G2E3: variants seen among roughly 807,000 people sequenced by gnomAD.
G2E3 encodes the protein G2/M phase-specific E3 ubiquitin-protein ligase.
G2E3 carries 35 observed loss-of-function variants against 92.8 expected under a neutral mutation model. That is an observed-to-expected ratio of 0.38 (90% CI 0.29 to 0.50). The LOEUF (loss-of-function observed/expected upper bound fraction) is 0.50. Among genes scored for constraint, G2E3 ranks in the 20% least tolerant of loss-of-function variants. The pLI is 0.94. For synonymous variants in G2E3, 242 were observed against 272.4 expected, an observed-to-expected ratio of 0.89 and a Z score of 1.10; for missense variants, 554 against 823.8, an observed-to-expected ratio of 0.67 and a Z score of 4.01.
At chr14:30,607,360 A>G (rs997265562) in intron 11 of G2E3, among the ~76,000 whole-genome samples, 2 of 152,302 alleles carry the variant, frequency 1.3e-5, no homozygotes, top group South Asian at 4.1e-4. Flanking sequence ...TAGTTGGTGT[A>G]GCCTACTACA....
Position 30,618,142 on chromosome 14 carries a change from T to C in G2E3, c.*1608T>C, listed in dbSNP as rs1308397535. The C allele has an allele frequency of 1.3e-5, 2 of 152,076 alleles. No individual in the cohort carries two copies. The highest frequency in any genetic ancestry group is 4.8e-5 in the African/African-American group (2 of 41,432). 9.4% of individuals were successfully genotyped at this position (152,076 alleles called of 1,614,324 possible). A position where few individuals can be genotyped will look rare whatever the true frequency, so the allele number is the denominator to read the frequency against. On this transcript the variant is annotated 3_prime_UTR_variant, in exon 15 of 15. Coordinates refer to ENST00000206595, the MANE Select transcript of G2E3 (RefSeq NM_017769.5). ...TAGTGTACTTTTCTTTGTTCCCTCA[T>C]GTCTTTTTCAATCTGTACACTAACA...
intron 8 of G2E3, among the ~76,000 whole-genome samples, chr14:30,599,029 C>G (rs761726664): frequency 1.7e-4 from 26 of 152,132 alleles, no homozygotes; most frequent in Non-Finnish European, 3.2e-4. Flanking sequence ...AGTTTAAGAT[C>G]AAGTTATTGA....
At chr14:30,565,515 C>A (rs1879373569) in intron 1 of G2E3, among the ~76,000 whole-genome samples, 2 of 151,800 alleles carry the variant, frequency 1.3e-5, no homozygotes, top group African/African-American at 4.8e-5. Flanking sequence ...AAACCATTGC[C>A]AAATACAAGG....
Position 30,602,067 on chromosome 14 carries a change from T to C in G2E3, c.946T>C (p.Leu316=), listed in dbSNP as rs555459444. ...SNNVGITDCL[L]EESSPKLPRQ... ...TAATGTGGGGATTACAGATTGTTTG[T>C]TGGAAGAGTCATCACCTAAATTACC... is the stretch of plus-strand genomic sequence containing the variant. The change falls in exon 10 of 15, where the codon TTG becomes CTG. Residue 316 remains leucine, a synonymous_variant. Coordinates refer to ENST00000206595, the MANE Select transcript of G2E3 (RefSeq NM_017769.5). 3 of 1,611,516 alleles carry C rather than the reference T, an allele frequency of 1.9e-6. No homozygotes were observed. The highest frequency in any genetic ancestry group is 2.2e-5 in the East Asian group (1 of 44,822).
intron 10 of G2E3, among the ~76,000 whole-genome samples, chr14:30,603,991 C>G (rs983900469): frequency 7.9e-5 from 12 of 152,188 alleles, no homozygotes; most frequent in Non-Finnish European, 1.5e-4. Flanking sequence ...TGTGTTAGCT[C>G]TACTGAAAAA....
intron 10 of G2E3, among the ~76,000 whole-genome samples, chr14:30,604,493 C>T (rs1373323804): frequency 6.6e-6 from 1 of 152,210 alleles, no homozygotes; most frequent in African/African-American, 2.4e-5. Context: ...ATTGTTAAAA[C>T]AGATTGCTGG....
chr14:30,583,405 C>G (rs112313119), intron 2 of G2E3, among the ~76,000 whole-genome samples: 111 of 152,186 alleles, frequency 7.3e-4, no homozygotes, highest in African/African-American at 2.4e-3. Context: ...AGTCATAAAG[C>G]ACTAGTGAAG....
Position 30,605,542 on chromosome 14 carries a change from T to C in G2E3, c.1048T>C (p.Leu350=), listed in dbSNP as rs755706911. ...ATTTAGAAGAAATGTATCAACACTA[T>C]TAATAGAGTTAGGATTCCAAATTAA... The part of the protein sequence containing the change: ...SKFRRNVSTL[L]IELGFQIKKK... Residue 350 remains leucine (L), a synonymous_variant, in exon 11 of 15, where the codon TTA becomes CTA. Transcript: ENST00000206595. 6.2e-6 allele frequency: 9 copies of C among 1,451,598 alleles called. No homozygotes were observed. The highest frequency in any genetic ancestry group is 8.5e-6 in the Non-Finnish European group (9 of 1,052,942). The allele number at this position is 1,451,598 out of a possible 1,614,324, so 89.9% of individuals were successfully genotyped here.
chr14:30,594,716 C>T (rs747380996), intron 6 of G2E3, among the ~76,000 whole-genome samples: 12 of 151,506 alleles, frequency 7.9e-5, no homozygotes, highest in Non-Finnish European at 2.9e-5. Flanking sequence ...TGTAAATTCT[C>T]TTATTTCAAT....
At chr14:30,572,531 G>A (rs1432546523) in intron 1 of G2E3, among the ~76,000 whole-genome samples, 1 of 152,028 alleles carries the variant, frequency 6.6e-6, no homozygotes, top group African/African-American at 2.4e-5. Context: ...GAAAATTCCC[G>A]TCTGTTTCTG....
intron 1 of G2E3, among the ~76,000 whole-genome samples, chr14:30,578,740 A>G (rs1176180577): frequency 3.3e-5 from 5 of 152,220 alleles, no homozygotes; most frequent in African/African-American, 1.2e-4. Context: ...GGATGGATTT[A>G]TGATATGTTG....
At chr14:30,616,209 T>A in intron 14 of G2E3, 69 bp from the exon 15 acceptor site, 2 of 1,011,416 alleles carry the variant, frequency 2.0e-6, no homozygotes, top group South Asian at 1.4e-5. Context: ...GAAGAATCTA[T>A]GATGATAGCA....
chr14:30,578,068 G>A (rs1880219408), intron 1 of G2E3, among the ~76,000 whole-genome samples: 1 of 151,978 alleles, frequency 6.6e-6, no homozygotes. Context: ...AAGAAATTAT[G>A]AAATTCAACT....
intron 11 of G2E3, 123 bp from the exon 12 acceptor site, chr14:30,607,762 AATG>A (rs2138902229): frequency 3.8e-6 from 2 of 529,984 alleles, no homozygotes; most frequent in Non-Finnish European, 6.6e-6. Flanking sequence ...TTTTCTACAT[AATG>A]ATAGCTTCTA....
chr14:30,566,957 T>G (rs1879473842), intron 1 of G2E3, among the ~76,000 whole-genome samples: 1 of 152,190 alleles, frequency 6.6e-6, no homozygotes. Context: ...CTTTTCCTTT[T>G]TCTCTATTAG....
chr14:30,570,233 T>C (rs229186), intron 1 of G2E3, among the ~76,000 whole-genome samples: 171 of 152,336 alleles, frequency 1.1e-3, no homozygotes, highest in African/African-American at 4.0e-3. Context: ...ACTTCTCTCT[T>C]GCTGCTTTCA....
At position 30,617,533 on chromosome 14, in the gene G2E3, G is replaced by A. The variant is rs1882369541; in HGVS notation, c.*999G>A. 6.6e-6 allele frequency: 1 copy of A among 151,884 alleles called. No individual in the cohort carries two copies. Among genetic ancestry groups the A allele is most frequent in the Non-Finnish European group, 1.5e-5 (1 of 67,946 alleles). The allele number at this position is 151,884 out of a possible 1,614,324, so 9.4% of individuals were successfully genotyped here. A position where few individuals can be genotyped will look rare whatever the true frequency, so the allele number is the denominator to read the frequency against. ...TTGACCATTATTTATTATCAAGTTGGTTGTATGCTAAGGTAAGTTGACGCC... is the reference window on the plus strand; with the variant it reads ...TTGACCATTATTTATTATCAAGTTGATTGTATGCTAAGGTAAGTTGACGCC... On this transcript the variant is annotated 3_prime_UTR_variant, in exon 15 of 15. Transcript: ENST00000206595.
At chr14:30,613,881 C>T (rs1349009892) in intron 13 of G2E3, among the ~76,000 whole-genome samples, 1 of 151,970 alleles carries the variant, frequency 6.6e-6, no homozygotes, top group Non-Finnish European at 1.5e-5. Context: ...GTGATTTATT[C>T]CACATTTCAT....
chr14:30,611,038 C>G (rs1203783178), intron 12 of G2E3, among the ~76,000 whole-genome samples: 1 of 152,226 alleles, frequency 6.6e-6, no homozygotes, highest in East Asian at 1.9e-4. Flanking sequence ...CGTCTAAGGA[C>G]TTGAGTTCCT....
Sources: gnomAD v4.1 joint callset for allele counts (sites outside exome capture counted in the v4.1 genomes callset) on GRCh38, gnomAD v4.1.1 for gene constraint, MANE v1.5 for transcripts, NCBI Gene and HGNC (gene_info 2026-07-23, HGNC 2026-07-21) for gene names.